TCF4: variants seen among roughly 807,000 people sequenced by gnomAD.
The protein encoded by TCF4 is SL3-3 enhancer factor 2.
In TCF4, 3 loss-of-function variants were observed where a neutral mutation model predicts 82.1. The ratio of observed to expected loss-of-function variants is 0.04; its 90% confidence interval spans 0.02 to 0.09. The LOEUF is 0.09. TCF4 is among the 10% of genes least tolerant of loss of function. The pLI is 1.00. For missense variants in TCF4, 518 were observed against 852.7 expected (o/e 0.61, Z 4.89); for synonymous variants, 276 against 309.6 (o/e 0.89, Z 1.14).
intron 2 of TCF4, among the ~76,000 whole-genome samples, chr18:55,606,137 T>C (rs2097701982): frequency 6.6e-6 from 1 of 152,206 alleles, no homozygotes; most frequent in Admixed American, 6.5e-5. Flanking sequence ...CCTAATACAG[T>C]ATGAGATTCA....
chr18:55,283,928 A>G (rs940072952), intron 8 of TCF4, among the ~76,000 whole-genome samples: 2 of 152,160 alleles, frequency 1.3e-5, no homozygotes, highest in African/African-American at 4.8e-5. Context: ...CAGGTTGCAC[A>G]TTTTTCAAGG....
At position 55,261,069 on chromosome 18, in the gene TCF4, C is replaced by CTTT. The variant is rs78112276; in HGVS notation, c.990+394_990+396dup. The stretch of plus-strand genomic sequence containing the variant: ...GTTCTTCATGGACCTCAGTTATTGT[C>CTTT]TTTTTTTTTTTTTTTTTTTTTCAAA... On this transcript the variant is annotated intron_variant, in intron 12 of 19. Transcript: ENST00000354452. 2.7e-3 allele frequency: 244 copies of CTTT among 91,878 alleles called. 4 individuals carry two copies. The highest frequency in any genetic ancestry group is 0.013 in the South Asian group (37 of 2,914). The allele number at this position is 91,878 out of a possible 1,614,324, so 5.7% of individuals were successfully genotyped here.
At chr18:55,403,072 C>A (rs190704699) in intron 6 of TCF4, among the ~76,000 whole-genome samples, 341 of 152,272 alleles carry the variant, frequency 2.2e-3, no homozygotes, top group Non-Finnish European at 4.0e-3. Context: ...CAATAGCCAC[C>A]CGAAACCCAG....
At position 55,322,061 on chromosome 18, in the gene TCF4, T is replaced by C. The variant is rs2075636669; in HGVS notation, c.549+28298A>G. 5.2e-6 allele frequency: 6 copies of C among 1,157,176 alleles called. No homozygotes were observed. The East Asian group carries it at 2.4e-4, about 45-fold the overall frequency. 71.7% of individuals were successfully genotyped at this position (1,157,176 alleles called of 1,614,324 possible). On this transcript the variant is annotated intron_variant, in intron 8 of 19. Coordinates refer to ENST00000354452, the MANE Select transcript of TCF4 (RefSeq NM_001083962.2). ...CGAATAATGCCGATTCTTACAAATT[T>C]CTGCAGTCTTCACTTTTTTCTTTTT...
intron 5 of TCF4, among the ~76,000 whole-genome samples, chr18:55,453,401 C>T (rs1010382976): frequency 2.6e-5 from 4 of 152,284 alleles, no homozygotes; most frequent in Middle Eastern, 3.4e-3. Flanking sequence ...TCCATTACTT[C>T]GAAGCAAAAG....
At chr18:55,487,421 C>T (rs1301779918) in intron 3 of TCF4, among the ~76,000 whole-genome samples, 1 of 152,144 alleles carries the variant, frequency 6.6e-6, no homozygotes, top group Non-Finnish European at 1.5e-5. Context: ...ACCTATGAAC[C>T]AGGGTTGACA....
intron 6 of TCF4, among the ~76,000 whole-genome samples, chr18:55,392,117 C>G (rs990835260): frequency 2.0e-5 from 3 of 150,472 alleles, no homozygotes; most frequent in African/African-American, 7.3e-5. Flanking sequence ...GCATGCACCA[C>G]CACACCTAGC....
At chr18:55,447,814 A>C (rs1038399227) in intron 5 of TCF4, among the ~76,000 whole-genome samples, 1 of 152,102 alleles carries the variant, frequency 6.6e-6, no homozygotes, top group African/African-American at 2.4e-5. Flanking sequence ...ATGTCTGAAA[A>C]TGAAGACAGC....
intron 7 of TCF4, 146 bp downstream of exon 7, chr18:55,350,728 G>A: frequency 9.5e-7 from 1 of 1,055,870 alleles, no homozygotes. Context: ...GTACTAGGGG[G>A]GAAGTCTCCA....
rs536723759 is a variant in TCF4 at position 55,450,030 on chromosome 18, G to A, written c.304+10989C>T. 2.0e-5 allele frequency among the ~76,000 whole-genome samples: 3 copies of A among 152,294 alleles called. No individual in the cohort carries two copies. The South Asian group carries it at 6.2e-4, about 32-fold the overall frequency. ...TGCATTAACTGAATTTTAGGGCCAG[G>A]TGGCTTTACGTTATTTCTTTTAAAC... On this transcript the variant is annotated intron_variant, in intron 5 of 19. Transcript: ENST00000354452.
chr18:55,260,114 C>A (rs2057725126), intron 12 of TCF4, 87 bp from the exon 13 acceptor site: 6 of 1,002,484 alleles, frequency 6.0e-6, no homozygotes, highest in Non-Finnish European at 9.5e-6. Context: ...CAACGCAATT[C>A]ATTTAGAACT....
chr18:55,367,145 A>C (rs2087403761), intron 6 of TCF4, among the ~76,000 whole-genome samples: 1 of 152,028 alleles, frequency 6.6e-6, no homozygotes, highest in South Asian at 2.1e-4. Context: ...TTCCTCTAAA[A>C]TTTTTCAGCA....
intron 5 of TCF4, among the ~76,000 whole-genome samples, chr18:55,438,537 C>G (rs1308669196): frequency 3.3e-5 from 5 of 152,180 alleles, no homozygotes; most frequent in Non-Finnish European, 5.9e-5. Context: ...TGGATGAAGT[C>G]TAACAGCTTT....
intron 5 of TCF4, among the ~76,000 whole-genome samples, chr18:55,448,599 G>GGT (rs2035865471): frequency 6.6e-6 from 1 of 152,208 alleles, no homozygotes; most frequent in African/African-American, 2.4e-5. Flanking sequence ...GAGGAACACA[G>GGT]GTGACTTAGG....
chr18:55,281,373 C>T (rs2062571910), intron 8 of TCF4, among the ~76,000 whole-genome samples: 1 of 152,136 alleles, frequency 6.6e-6, no homozygotes, highest in Non-Finnish European at 1.5e-5. Flanking sequence ...ATGAAAGAAA[C>T]ATCACAGGAA....
intron 6 of TCF4, chr18:55,352,091 T>C (rs532948788): frequency 6.2e-4 from 122 of 195,502 alleles, no homozygotes; most frequent in Non-Finnish European, 1.0e-3. Context: ...ACTAACACAC[T>C]ATTCACATGC....
intron 16 of TCF4, chr18:55,234,295 T>C (rs2048735591): frequency 1.7e-6 from 1 of 587,364 alleles, no homozygotes; most frequent in African/African-American, 1.9e-5. Context: ...TTTCCTCTCA[T>C]CAGTCTGTGG....
intron 2 of TCF4, among the ~76,000 whole-genome samples, chr18:55,599,134 A>T (rs369408332): frequency 3.3e-5 from 5 of 152,226 alleles, no homozygotes; most frequent in African/African-American, 1.2e-4. Flanking sequence ...ATTATCCTAC[A>T]TAATACCCAA....
At chr18:55,559,139 G>A (rs1453658772) in intron 3 of TCF4, among the ~76,000 whole-genome samples, 6 of 127,924 alleles carry the variant, frequency 4.7e-5, no homozygotes, top group African/African-American at 1.2e-4. Flanking sequence ...ACTAGAACAC[G>A]TTCCCCAAAG....
Sources: allele counts gnomAD v4.1 joint callset (sites outside exome capture counted in the v4.1 genomes callset), GRCh38; gene constraint gnomAD v4.1.1; transcripts MANE v1.5; gene names NCBI Gene and HGNC (gene_info 2026-07-23, HGNC 2026-07-21).